Variants in PIGZ observed in about 807,000 individuals in gnomAD.
PIGZ encodes GPI alpha-1,2-mannosyltransferase 4.
A neutral mutation model predicts 16.4 loss-of-function variants in PIGZ; 16 were observed. That is an observed-to-expected ratio of 0.97 (90% CI 0.66 to 1.48). The LOEUF is 1.48. Among genes scored for constraint, PIGZ ranks in the 40% most tolerant of loss-of-function variants. The probability of loss-of-function intolerance (pLI) is 0.00; values close to 1 mark genes in which losing one functional copy is unlikely to be tolerated. For missense variants in PIGZ, 770 were observed against 739.2 expected (o/e 1.04, Z -0.48); for synonymous variants, 409 against 338.4 (o/e 1.21, Z -2.29).
chr3:196,947,857 G>T lies in PIGZ; in HGVS notation c.1040C>A (p.Ala347Asp), dbSNP rs377515495. 1 of 1,613,720 alleles carries T rather than the reference G, an allele frequency of 6.2e-7. No homozygotes were observed. Among genetic ancestry groups the T allele is most frequent in the Non-Finnish European group, 8.5e-7 (1 of 1,179,800 alleles). ...CCTCAGGAGGCCCATTTGTGCAGAGGCCTGGAGGCCGACTTGCAGCCGTTG... is the reference window on the plus strand; with the variant it reads ...CCTCAGGAGGCCCATTTGTGCAGAGTCCTGGAGGCCGACTTGCAGCCGTTG... ...AWQRLQVGLQ[A>D]SAQMGLLRAL... Residue 347 changes from alanine to aspartate, a missense_variant, in exon 3 of 3, where the codon GCC becomes GAC. Coordinates refer to ENST00000412723, the MANE Select transcript of PIGZ (RefSeq NM_025163.4).
Position 196,965,923 on chromosome 3 carries a change from G to A in PIGZ, c.-1+2764C>T, listed in dbSNP as rs372831784. ...CTTCTGACTGCGGCAGAGACAGGCC[G>A]AATCACTCCCCTGTGAGAAACCTCT... On this transcript the variant is annotated intron_variant, in intron 1 of 2. Transcript: ENST00000412723. This position sits in a 1 kb window ranked among gnomAD's most constrained non-coding sequence, Gnocchi z 4.2. 1.6e-4 allele frequency among the ~76,000 whole-genome samples: 24 copies of A among 152,188 alleles called. No individual in the cohort carries two copies. The East Asian group carries it at 3.7e-3, about 23-fold the overall frequency.
chr3:196,960,259 T>C (rs780938045), intron 1 of PIGZ, among the ~76,000 whole-genome samples: 1 of 152,220 alleles, frequency 6.6e-6, no homozygotes, highest in Non-Finnish European at 1.5e-5. Context: ...TTACTACCTA[T>C]TTGCCTGTAT....
rs1313936234 is a variant in PIGZ at position 196,948,395 on chromosome 3, T to A, written c.502A>T (p.Thr168Ser). The A allele has an allele frequency of 6.2e-7, 1 of 1,613,942 alleles. No homozygotes were observed. Among genetic ancestry groups the A allele is most frequent in the South Asian group, 1.1e-5 (1 of 91,076 alleles). The stretch of plus-strand genomic sequence containing the variant: ...AAGGTCCTTGTGTAGAAGACCAGGG[T>A]GACGTAGGAACCAGACAGCAGGGCC... ...ALALLSGSYVTLVFYTRTFSN... is the reference protein window; with the variant it reads ...ALALLSGSYVSLVFYTRTFSN... Residue 168 changes from threonine to serine, a missense_variant, in exon 3 of 3, where the codon ACC becomes TCC. Transcript: ENST00000412723.
At chr3:196,960,593 T>C (rs1225298530) in intron 1 of PIGZ, among the ~76,000 whole-genome samples, 1 of 151,404 alleles carries the variant, frequency 6.6e-6, no homozygotes, top group East Asian at 1.9e-4. Context: ...TGCTTGAACC[T>C]GGGAGACAGA....
chr3:196,962,560 T>C lies in PIGZ; in HGVS notation c.-1+6127A>G, dbSNP rs529736129. On this transcript the variant is annotated intron_variant, in intron 1 of 2. Transcript: ENST00000412723. ...CTCATGATCCCCTGGGAATGGAATGTCTTGGTGTAAAACCTGATCGTACAT... is the reference window on the plus strand; with the variant it reads ...CTCATGATCCCCTGGGAATGGAATGCCTTGGTGTAAAACCTGATCGTACAT... 6.6e-5 allele frequency among the ~76,000 whole-genome samples: 10 copies of C among 151,756 alleles called. No homozygotes were observed. In the East Asian group the frequency reaches 1.9e-3, roughly 29 times the overall value.
At position 196,965,098 on chromosome 3, in the gene PIGZ, C is replaced by T. The variant is rs1324632361; in HGVS notation, c.-1+3589G>A. On this transcript the variant is annotated intron_variant, in intron 1 of 2. Transcript: ENST00000412723. This position sits in a 1 kb window ranked among gnomAD's most constrained non-coding sequence, Gnocchi z 4.2. The stretch of plus-strand genomic sequence containing the variant: ...CTCCCTACAGCAATGAGGAAACTAC[C>T]ATGTATTAGTGTCCCACACTCCTGG... Among the ~76,000 whole-genome samples the T allele has an allele frequency of 1.3e-5, 2 of 152,158 alleles. No homozygotes were observed. Among genetic ancestry groups the T allele is most frequent in the Non-Finnish European group, 2.9e-5 (2 of 68,032 alleles).
chr3:196,957,461 C>T (rs574608344), intron 1 of PIGZ, among the ~76,000 whole-genome samples: 2 of 151,514 alleles, frequency 1.3e-5, no homozygotes, highest in Non-Finnish European at 2.9e-5. Flanking sequence ...CGGCTCACTG[C>T]AGCCTCTGCC....
intron 1 of PIGZ, among the ~76,000 whole-genome samples, chr3:196,967,311 C>A (rs1577903564): frequency 6.6e-6 from 1 of 152,150 alleles, no homozygotes; most frequent in Non-Finnish European, 1.5e-5. Flanking sequence ...CAGGGACAGC[C>A]GTGAACGAGC....
intron 1 of PIGZ, among the ~76,000 whole-genome samples, chr3:196,964,483 A>C (rs1717849706): frequency 6.6e-6 from 1 of 152,002 alleles, no homozygotes; most frequent in African/African-American, 2.4e-5. Flanking sequence ...TCAGCCTCCT[A>C]AGTAGCTGGG....
At chr3:196,955,479 A>AT (rs1325346768) in intron 1 of PIGZ, among the ~76,000 whole-genome samples, 3 of 148,070 alleles carry the variant, frequency 2.0e-5, no homozygotes, top group Admixed American at 6.7e-5. Context: ...CCTAAAATAT[A>AT]TTTTTTCTGA....
rs571197443 is a variant in PIGZ, at chr3:196,967,789, A to G, written c.-1+898T>C. ...TTATCCTTCGCTTCACAGAGAACGC[A>G]ACACACAACATTAAACACACATAGA... On this transcript the variant is annotated intron_variant, in intron 1 of 2. Coordinates refer to ENST00000412723, the MANE Select transcript of PIGZ (RefSeq NM_025163.4). Among the ~76,000 whole-genome samples, 17 of 152,318 alleles carry G rather than the reference A, an allele frequency of 1.1e-4. No individual in the cohort carries two copies. In the South Asian group the frequency reaches 3.5e-3, roughly 32 times the overall value.
At position 196,965,689 on chromosome 3, in the gene PIGZ, G is replaced by A. The variant is rs1717897291; in HGVS notation, c.-1+2998C>T. Among the ~76,000 whole-genome samples the A allele has an allele frequency of 1.3e-5, 2 of 152,178 alleles. No individual in the cohort carries two copies. ...TACCTGGGATTTCTTAGCCTTAGGG[G>A]TGGCTGGCTGTGCAGAATCTTTGGA... On this transcript the variant is annotated intron_variant, in intron 1 of 2. Transcript: ENST00000412723. The surrounding 1 kb of genome is among the most constrained non-coding windows in gnomAD (Gnocchi z 4.2).
chr3:196,947,777 AGAG>A lies in PIGZ; in HGVS notation c.1117_1119del (p.Leu373del), dbSNP rs778545255. The A allele has an allele frequency of 9.3e-6, 15 of 1,609,564 alleles. No homozygotes were observed. Among genetic ancestry groups the A allele is most frequent in the Non-Finnish European group, 1.3e-5 (15 of 1,177,640 alleles). ...GATAGCAGGGCCAGAGGCATGAAGT[AGAG>A]GAGAAGGAGATAGGACCTGGGGCTG... On this transcript the variant is annotated inframe_deletion, in exon 3 of 3. Coordinates refer to ENST00000412723, the MANE Select transcript of PIGZ (RefSeq NM_025163.4).
At chr3:196,963,868 A>G (rs1330233393) in intron 1 of PIGZ, among the ~76,000 whole-genome samples, 2 of 152,096 alleles carry the variant, frequency 1.3e-5, no homozygotes, top group African/African-American at 2.4e-5. Context: ...CTGGTCTTCA[A>G]TGTCCTCCAT....
chr3:196,948,186 G>C lies in PIGZ; in HGVS notation c.711C>G (p.Pro237=), dbSNP rs965635676. 1.2e-6 allele frequency: 2 copies of C among 1,614,096 alleles called. No individual in the cohort carries two copies. The highest frequency in any genetic ancestry group is 2.7e-5 in the African/African-American group (2 of 75,042). ...CTCCACGAGTGCCCCAGAGGTAGAG[G>C]GGGACCACAGCAAAGGCCAGAAAGG... ...RPTFLAFAVV[P]LYLWGTRGAT... is the part of the protein sequence containing the mutation. Residue 237 remains proline, a synonymous_variant, in exon 3 of 3, where the codon CCC becomes CCG. Transcript: ENST00000412723.
At chr3:196,967,317 C>T (rs335820) in intron 1 of PIGZ, among the ~76,000 whole-genome samples, 66,315 of 151,892 alleles carry the variant, frequency 0.44, 14,951 homozygotes, top group East Asian at 0.81. Context: ...CAGCCGTGAA[C>T]GAGCGCCGTC....
At chr3:196,967,117 G>A (rs2108923886) in intron 1 of PIGZ, among the ~76,000 whole-genome samples, 1 of 151,970 alleles carries the variant, frequency 6.6e-6, no homozygotes, top group South Asian at 2.1e-4. Flanking sequence ...GGCGCGGGGG[G>A]AGGCCGGGAA....
Position 196,948,331 on chromosome 3 carries a change from A to C in PIGZ, c.566T>G (p.Leu189Arg). The change falls in exon 3 of 3, where the codon CTG becomes CGG. Residue 189 changes from leucine to arginine, a missense_variant. Coordinates refer to ENST00000412723, the MANE Select transcript of PIGZ (RefSeq NM_025163.4). ...CGTTACATGGGAGGATACCAGCACC[A>C]GCAGCCACGTGAAGAGGAGTCCCTC... Reference protein sequence around the residue: ...TIEGLLFTWLLVLVSSHVTWG... With the variant: ...TIEGLLFTWLRVLVSSHVTWG... The C allele has an allele frequency of 6.2e-7, 1 of 1,614,196 alleles. No homozygotes were observed. The highest frequency in any genetic ancestry group is 8.5e-7 in the Non-Finnish European group (1 of 1,180,034).
Position 196,949,014 on chromosome 3 carries a change from C to T in PIGZ, c.212-329G>A, listed in dbSNP as rs1417428774. Among the ~76,000 whole-genome samples the T allele has an allele frequency of 4.0e-4, 22 of 55,008 alleles. 3 individuals are homozygous for T. The highest frequency in any genetic ancestry group is 2.9e-3 in the African/African-American group (16 of 5,490). 36.1% of individuals were successfully genotyped at this position (55,008 alleles called of 152,430 possible). ...TCCTTCCCTTTACTTCTCTTTCCCT[C>T]CCCTCCCTTCCCTTCCTTCCCTTCC... On this transcript the variant is annotated intron_variant, in intron 2 of 2. Transcript: ENST00000412723.
Sources: gnomAD v4.1 joint callset for allele counts (sites outside exome capture counted in the v4.1 genomes callset) on GRCh38, gnomAD v4.1.1 for gene constraint, Gnocchi (gnomAD v3.1) non-coding constraint, MANE v1.5 for transcripts, NCBI Gene and HGNC (gene_info 2026-07-23, HGNC 2026-07-21) for gene names.